Variants in IMMP2L observed in about 807,000 individuals in gnomAD.
IMMP2L encodes inner mitochondrial membrane peptidase subunit 2.
IMMP2L carries 18 observed loss-of-function variants against 19.3 expected under a neutral mutation model. The ratio of observed to expected loss-of-function variants is 0.93; its 90% CI spans 0.64 to 1.38. The LOEUF (loss-of-function observed/expected upper bound fraction) is 1.38, where lower values mean the gene tolerates loss of function less well. Among genes scored for constraint, IMMP2L ranks in the 40% most tolerant of loss-of-function variants. The probability of loss-of-function intolerance (pLI) is 0.00; values close to 1 mark genes in which losing one functional copy is unlikely to be tolerated. For missense variants in IMMP2L, 233 were observed against 218.2 expected (o/e 1.07, Z -0.43); for synonymous variants, 76 against 73.0 (o/e 1.04, Z -0.21).
chr7:111,128,206 A>G (rs965175711), intron 3 of IMMP2L, among the ~76,000 whole-genome samples: 5 of 152,158 alleles, frequency 3.3e-5, no homozygotes, highest in African/African-American at 1.2e-4. Flanking sequence ...TTGTATGGCT[A>G]TTAGTCACAG....
chr7:111,428,462 T>G (rs918287032), intron 3 of IMMP2L, among the ~76,000 whole-genome samples: 1 of 151,760 alleles, frequency 6.6e-6, no homozygotes, highest in African/African-American at 2.4e-5. Flanking sequence ...ACAAGATGCT[T>G]CATATGTGAA....
intron 3 of IMMP2L, among the ~76,000 whole-genome samples, chr7:111,101,859 C>T (rs965681406): frequency 8.6e-5 from 13 of 151,410 alleles, no homozygotes; most frequent in African/African-American, 2.9e-4. Context: ...GGTATACCAT[C>T]CACAGTCATT....
Position 111,080,029 on chromosome 7 carries a change from T to A in IMMP2L, c.240-116464A>T, listed in dbSNP as rs72603553. ...GCCTCCAGAACTACAAAAAAAAAAA[T>A]GTCATTTCTTTATAAATTACCCAGT... On this transcript the variant is annotated intron_variant, in intron 3 of 5. Transcript: ENST00000405709. 8.3e-3 allele frequency among the ~76,000 whole-genome samples: 137 copies of A among 16,588 alleles called. 1 individual carries two copies. The highest frequency in any genetic ancestry group is 0.043 in the South Asian group (11 of 254). The allele number at this position is 16,588 out of a possible 152,430, so 10.9% of individuals were successfully genotyped here.
chr7:111,446,023 A>G (rs1325299369), intron 3 of IMMP2L, among the ~76,000 whole-genome samples: 1 of 152,044 alleles, frequency 6.6e-6, no homozygotes, highest in East Asian at 1.9e-4. Flanking sequence ...GCGCACCACG[A>G]GACTGTATCC....
chr7:110,865,393 G>C (rs971357884), intron 5 of IMMP2L, among the ~76,000 whole-genome samples: 1 of 152,008 alleles, frequency 6.6e-6, no homozygotes, highest in Admixed American at 6.6e-5. Flanking sequence ...ACTCTCCAGT[G>C]TTAGCCTTCA....
chr7:111,241,063 A>G (rs1814965288), intron 3 of IMMP2L, among the ~76,000 whole-genome samples: 1 of 151,946 alleles, frequency 6.6e-6, no homozygotes, highest in South Asian at 2.1e-4. Flanking sequence ...AACCTTTAAG[A>G]TAACAGTAAC....
At chr7:110,704,102 C>A (rs1794481082) in intron 5 of IMMP2L, among the ~76,000 whole-genome samples, 1 of 152,156 alleles carries the variant, frequency 6.6e-6, no homozygotes, top group African/African-American at 2.4e-5. Context: ...CCGCCTTGGC[C>A]TCCCAAAGTG....
At chr7:111,290,857 C>CACACACATAT (rs1472194887) in intron 3 of IMMP2L, among the ~76,000 whole-genome samples, 24 of 148,560 alleles carry the variant, frequency 1.6e-4, no homozygotes, top group African/African-American at 6.0e-4. Flanking sequence ...CACACACACA[C>CACACACATAT]ATATATATAT....
chr7:110,862,752 T>C (rs1400923524), intron 5 of IMMP2L, among the ~76,000 whole-genome samples: 1 of 152,056 alleles, frequency 6.6e-6, no homozygotes, highest in East Asian at 1.9e-4. Flanking sequence ...CTTCAGGTCT[T>C]TTGTGAACAT....
chr7:111,402,966 G>A (rs1194825239), intron 3 of IMMP2L, among the ~76,000 whole-genome samples: 1 of 146,950 alleles, frequency 6.8e-6, no homozygotes, highest in Non-Finnish European at 1.5e-5. Context: ...GTGCTGTGGT[G>A]CAATCTCGGC....
At chr7:110,680,764 C>T (rs527812412) in intron 5 of IMMP2L, among the ~76,000 whole-genome samples, 2 of 152,266 alleles carry the variant, frequency 1.3e-5, no homozygotes, top group South Asian at 2.1e-4. Flanking sequence ...AGCAGCTAGG[C>T]GGAAGCACCT....
At chr7:110,719,232 G>C (rs751780379) in intron 5 of IMMP2L, among the ~76,000 whole-genome samples, 9 of 152,198 alleles carry the variant, frequency 5.9e-5, no homozygotes, top group Non-Finnish European at 1.2e-4. Context: ...AATGACTGTT[G>C]TTACAAATTG....
At chr7:111,445,431 T>C (rs1024705745) in intron 3 of IMMP2L, among the ~76,000 whole-genome samples, 2 of 151,564 alleles carry the variant, frequency 1.3e-5, no homozygotes, top group Non-Finnish European at 2.9e-5. Flanking sequence ...CATACATACA[T>C]ACATACATAA....
At chr7:110,819,147 G>A (rs1388193909) in intron 5 of IMMP2L, among the ~76,000 whole-genome samples, 3 of 151,862 alleles carry the variant, frequency 2.0e-5, no homozygotes, top group African/African-American at 4.8e-5. Context: ...AATCAGTTCT[G>A]ACTGGAGAAG....
intron 5 of IMMP2L, among the ~76,000 whole-genome samples, chr7:110,872,336 T>C (rs538757214): frequency 6.6e-6 from 1 of 152,304 alleles, no homozygotes; most frequent in Non-Finnish European, 1.5e-5. Context: ...TTCTTCAAGG[T>C]TGAACTGACT....
At chr7:111,431,193 T>A (rs995464364) in intron 3 of IMMP2L, among the ~76,000 whole-genome samples, 7 of 151,864 alleles carry the variant, frequency 4.6e-5, no homozygotes, top group African/African-American at 7.3e-5. Context: ...TTGCAGTACC[T>A]CCGTGGCATA....
chr7:111,179,111 C>G (rs955626615), intron 3 of IMMP2L, among the ~76,000 whole-genome samples: 3 of 151,958 alleles, frequency 2.0e-5, no homozygotes, highest in Non-Finnish European at 4.4e-5. Context: ...GTTGTGTTAG[C>G]AGGCATGAAA....
rs1256070079 is a variant in IMMP2L at position 111,281,212 on chromosome 7, A to G, written c.239+206026T>C. On this transcript the variant is annotated intron_variant, in intron 3 of 5. Coordinates refer to ENST00000405709, the MANE Select transcript of IMMP2L (RefSeq NM_032549.4). The stretch of plus-strand genomic sequence containing the variant: ...AAAGAAAGAAAGAAAGAAAGAAAGA[A>G]AGAAAAAGAAAGAAAGAAAGAAAGA... 1.9e-4 allele frequency among the ~76,000 whole-genome samples: 10 copies of G among 53,088 alleles called. No individual in the cohort carries two copies. The East Asian group carries it at 4.0e-3, about 21-fold the overall frequency. The allele number at this position is 53,088 out of a possible 152,430, so 34.8% of individuals were successfully genotyped here.
rs116159149 is a variant in IMMP2L at position 111,419,571 on chromosome 7, C to T, written c.239+67667G>A. The stretch of plus-strand genomic sequence containing the variant: ...CTCAAAAGAAGGCAATCATTTGTCT[C>T]TTATCTACCTATGACCTGGAAGTCC... On this transcript the variant is annotated intron_variant, in intron 3 of 5. Transcript: ENST00000405709. Among the ~76,000 whole-genome samples the T allele has an allele frequency of 5.2e-3, 785 of 151,868 alleles. 30 individuals carry two copies. The highest frequency in any genetic ancestry group is 0.018 in the African/African-American group (760 of 41,228).
Sources: gnomAD v4.1 joint callset for allele counts (sites outside exome capture counted in the v4.1 genomes callset) on GRCh38, gnomAD v4.1.1 for gene constraint, MANE v1.5 for transcripts, NCBI Gene and HGNC (gene_info 2026-07-23, HGNC 2026-07-21) for gene names.